Variants in PCDHGB6 observed in about 807,000 individuals in gnomAD.
The protein encoded by PCDHGB6 is protocadherin gamma-B6.
A neutral mutation model predicts 59.1 loss-of-function variants in PCDHGB6; 51 were observed. The ratio of observed to expected loss-of-function variants is 0.86; its 90% CI spans 0.69 to 1.09. The LOEUF is 1.09. Among genes scored for constraint, PCDHGB6 ranks in the 50% least tolerant of loss-of-function variants. PCDHGB6 has a pLI of 0.00. For missense variants in PCDHGB6, 1,148 were observed against 1,205.1 expected, an observed-to-expected ratio of 0.95 and a Z score of 0.70; for synonymous variants, 466 against 495.1, an observed-to-expected ratio of 0.94 and a Z score of 0.78.
intron 1 of PCDHGB6, among the ~76,000 whole-genome samples, chr5:141,459,962 C>T (rs994878993): frequency 5.3e-5 from 8 of 152,290 alleles, no homozygotes; most frequent in South Asian, 2.1e-4. Flanking sequence ...CCTGTAATCC[C>T]AGCTACTCAG....
intron 2 of PCDHGB6, among the ~76,000 whole-genome samples, chr5:141,504,128 G>A (rs914138294): frequency 2.6e-5 from 4 of 151,992 alleles, no homozygotes; most frequent in African/African-American, 9.7e-5. Context: ...GCTGTTTCCC[G>A]CCAACACTCC....
intron 1 of PCDHGB6, among the ~76,000 whole-genome samples, chr5:141,456,778 C>T (rs568292085): frequency 3.7e-4 from 57 of 152,242 alleles, no homozygotes; most frequent in African/African-American, 1.3e-3. Flanking sequence ...GCCTGGCCTA[C>T]ATGGCAAAAC....
chr5:141,431,435 GC>G lies in PCDHGB6; in HGVS notation c.2418+20816del. On this transcript the variant is annotated intron_variant, in intron 1 of 3. Coordinates refer to ENST00000520790, the MANE Select transcript of PCDHGB6 (RefSeq NM_018926.3). The surrounding 1 kb of genome is among the most constrained non-coding windows in gnomAD (Gnocchi z 4.8). The stretch of plus-strand genomic sequence containing the variant: ...GGGCGACCCGGTGCGCACAGGCACC[GC>G]GCGCATCCGCGTGATGGTTCTGGAT... 1.9e-6 allele frequency: 3 copies of G among 1,613,668 alleles called. No individual in the cohort carries two copies. The highest frequency in any genetic ancestry group is 2.5e-6 in the Non-Finnish European group (3 of 1,180,026).
At chr5:141,478,940 T>C in intron 1 of PCDHGB6, 2 of 584,636 alleles carry the variant, frequency 3.4e-6, no homozygotes, top group South Asian at 2.7e-5. Flanking sequence ...CTTCTAGGAA[T>C]ACAAAAACTA....
chr5:141,419,769 C>G (rs773303779), intron 1 of PCDHGB6: 3 of 1,613,888 alleles, frequency 1.9e-6, no homozygotes, highest in Non-Finnish European at 2.5e-6. Context: ...GACAAGGACT[C>G]GGTCCGCCAG....
chr5:141,474,056 C>T (rs576482294), intron 1 of PCDHGB6, among the ~76,000 whole-genome samples: 37 of 152,136 alleles, frequency 2.4e-4, no homozygotes, highest in Non-Finnish European at 4.9e-4. Flanking sequence ...GATGACAGAG[C>T]GAGATCCTGC....
At chr5:141,478,234 G>C (rs762337749) in intron 1 of PCDHGB6, 21 of 1,614,082 alleles carry the variant, frequency 1.3e-5, no homozygotes, top group Non-Finnish European at 1.8e-5. Flanking sequence ...TGGGGTTTGT[G>C]GTCACAGTGT....
At chr5:141,508,756 C>A (rs890362975) in intron 3 of PCDHGB6, among the ~76,000 whole-genome samples, 2 of 151,904 alleles carry the variant, frequency 1.3e-5, no homozygotes, top group African/African-American at 4.8e-5. Flanking sequence ...CTTTCTCTGG[C>A]GCCTCTGAGG....
rs1322608789 is a variant in PCDHGB6, at chr5:141,485,671, G to A, written c.2419-9136G>A. 3 of 1,612,860 alleles carry A rather than the reference G, an allele frequency of 1.9e-6. No homozygotes were observed. The highest frequency in any genetic ancestry group is 2.5e-6 in the Non-Finnish European group (3 of 1,179,040). On this transcript the variant is annotated intron_variant, in intron 1 of 3. Coordinates refer to ENST00000520790, the MANE Select transcript of PCDHGB6 (RefSeq NM_018926.3). This position sits in a 1 kb window ranked among gnomAD's most constrained non-coding sequence, Gnocchi z 5.7. Reference sequence around the variant, plus strand: ...AGGATGCAGATGTGGGGAGCAATTCGATTAGCAGCTATAGGCTGAGCTCCA... The same window carrying A: ...AGGATGCAGATGTGGGGAGCAATTCAATTAGCAGCTATAGGCTGAGCTCCA...
chr5:141,471,196 C>T (rs59385734), intron 1 of PCDHGB6: 16,293 of 151,632 alleles, frequency 0.11, 894 homozygotes, highest in South Asian at 0.15. Context: ...ATTACAGGCA[C>T]CCACCCCCAT....
intron 1 of PCDHGB6, chr5:141,414,681 G>A: frequency 6.2e-7 from 1 of 1,613,954 alleles, no homozygotes; most frequent in African/African-American, 1.3e-5. Context: ...CCATCCAGGG[G>A]GTACCTCTGT....
rs1354510383 is a variant in PCDHGB6, at chr5:141,432,312, G to A, written c.2418+21692G>A. The A allele has an allele frequency of 5.6e-6, 9 of 1,614,132 alleles. No homozygotes were observed. The highest frequency in any genetic ancestry group is 7.6e-6 in the Non-Finnish European group (9 of 1,180,054). On this transcript the variant is annotated intron_variant, in intron 1 of 3. Transcript: ENST00000520790. The surrounding 1 kb of genome is among the most constrained non-coding windows in gnomAD (Gnocchi z 6.0). Reference sequence around the variant, plus strand: ...GACACTGGGGTACTGTATGCGCTGAGCTCCTTCGACTACGAGCAGTTCCGA... The same window carrying A: ...GACACTGGGGTACTGTATGCGCTGAACTCCTTCGACTACGAGCAGTTCCGA...
intron 1 of PCDHGB6, among the ~76,000 whole-genome samples, chr5:141,436,701 A>C (rs571525375): frequency 6.9e-4 from 105 of 152,332 alleles, no homozygotes; most frequent in Non-Finnish European, 9.4e-4. Context: ...ATGCCAGCAC[A>C]CTCGATGTTC....
chr5:141,421,869 A>G lies in PCDHGB6; in HGVS notation c.2418+11249A>G, dbSNP rs200015978. 1.5e-5 allele frequency: 24 copies of G among 1,613,732 alleles called. No individual in the cohort carries two copies. The African/African-American group carries it at 3.1e-4, about 21-fold the overall frequency. ...AGGCTGCTCACCTGCTCCTCCTCAC[A>G]GCTTTAGATGGAGGCGATCCCATCC... On this transcript the variant is annotated intron_variant, in intron 1 of 3. Transcript: ENST00000520790.
Position 141,477,964 on chromosome 5 carries a change from G to T in PCDHGB6, c.2419-16843G>T, listed in dbSNP as rs2099426491. On this transcript the variant is annotated intron_variant, in intron 1 of 3. Coordinates refer to ENST00000520790, the MANE Select transcript of PCDHGB6 (RefSeq NM_018926.3). The surrounding 1 kb of genome is among the most constrained non-coding windows in gnomAD (Gnocchi z 4.9). Reference sequence around the variant, plus strand: ...ACAGTCTCTTGGGATCCCCTAACCAGAGCCTTTTTGCCATAGGGCTGCACA... The same window carrying T: ...ACAGTCTCTTGGGATCCCCTAACCATAGCCTTTTTGCCATAGGGCTGCACA... 6.2e-7 allele frequency: 1 copy of T among 1,613,978 alleles called. No homozygotes were observed. The highest frequency in any genetic ancestry group is 1.1e-5 in the South Asian group (1 of 91,080).
intron 1 of PCDHGB6, chr5:141,415,014 C>T (rs747951360): frequency 1.2e-6 from 2 of 1,613,620 alleles, no homozygotes; most frequent in Non-Finnish European, 1.7e-6. Context: ...ACCGTCTGCT[C>T]AAGGCCAGCG....
rs1193620622 is a variant in PCDHGB6, at chr5:141,512,906, G to A, written c.*1733G>A. On this transcript the variant is annotated 3_prime_UTR_variant, in exon 4 of 4. Coordinates refer to ENST00000520790, the MANE Select transcript of PCDHGB6 (RefSeq NM_018926.3). ...CACCCTCTTCCTGTGTCTCACGCAA[G>A]TTTTATACTCTAATATTTATATGGC... 2.0e-5 allele frequency: 3 copies of A among 152,206 alleles called. No homozygotes were observed. Among genetic ancestry groups the A allele is most frequent in the African/African-American group, 7.2e-5 (3 of 41,438 alleles). The allele number at this position is 152,206 out of a possible 1,614,324, so 9.4% of individuals were successfully genotyped here.
At position 141,431,276 on chromosome 5, in the gene PCDHGB6, A is replaced by T; in HGVS notation, c.2418+20656A>T. 6.2e-7 allele frequency: 1 copy of T among 1,614,176 alleles called. No individual in the cohort carries two copies. Among genetic ancestry groups the T allele is most frequent in the South Asian group, 1.1e-5 (1 of 91,084 alleles). ...GAACTCTCTGCAGAGCTACGAGCTC[A>T]GCCCGAACACTCACTTCTCCCTCAT... is the stretch of plus-strand genomic sequence containing the variant. On this transcript the variant is annotated intron_variant, in intron 1 of 3. Transcript: ENST00000520790. The surrounding 1 kb of genome is among the most constrained non-coding windows in gnomAD (Gnocchi z 4.8).
At position 141,490,409 on chromosome 5, in the gene PCDHGB6, C is replaced by G; in HGVS notation, c.2419-4398C>G. On this transcript the variant is annotated intron_variant, in intron 1 of 3. Transcript: ENST00000520790. The surrounding 1 kb of genome is among the most constrained non-coding windows in gnomAD (Gnocchi z 5.4). ...AATGGTGAAGTGAGCCTTGATATCT[C>G]TCCGGACCTGCCATTTCAGATTAAG... 1 of 1,614,202 alleles carries G rather than the reference C, an allele frequency of 6.2e-7. No homozygotes were observed. Among genetic ancestry groups the G allele is most frequent in the Non-Finnish European group, 8.5e-7 (1 of 1,180,038 alleles).
Sources: gnomAD v4.1 joint callset for allele counts (sites outside exome capture counted in the v4.1 genomes callset) on GRCh38, gnomAD v4.1.1 for gene constraint, Gnocchi (gnomAD v3.1) non-coding constraint, MANE v1.5 for transcripts, NCBI Gene and HGNC (gene_info 2026-07-23, HGNC 2026-07-21) for gene names.